Variants in PRTFDC1 observed in about 807,000 individuals in gnomAD.
PRTFDC1 encodes the protein phosphoribosyltransferase domain-containing protein 1.
Under a neutral mutation model 34.6 loss-of-function variants are expected in PRTFDC1, and 38 were observed. The ratio of observed to expected loss-of-function variants is 1.10; its 90% CI spans 0.85 to 1.44. The LOEUF (loss-of-function observed/expected upper bound fraction) is 1.44, where lower values mean the gene tolerates loss of function less well. PRTFDC1 is among the 40% of genes most tolerant of loss of function. The pLI is 0.00. For missense variants in PRTFDC1, 270 were observed against 283.0 expected (o/e 0.95, Z 0.33); for synonymous variants, 93 against 98.1 (o/e 0.95, Z 0.31).
chr10:24,902,186 GATTATC>G (rs1848461003), intron 3 of PRTFDC1, among the ~76,000 whole-genome samples: 1 of 151,996 alleles, frequency 6.6e-6, no homozygotes, highest in African/African-American at 2.4e-5. Context: ...GGAGGGAGGT[GATTATC>G]CAGGATTTTT....
chr10:24,932,332 G>A (rs1410902044), intron 3 of PRTFDC1, among the ~76,000 whole-genome samples: 2 of 151,576 alleles, frequency 1.3e-5, no homozygotes, highest in East Asian at 1.9e-4. Context: ...AGAAATAAAA[G>A]GTCTGTAAGT....
At chr10:24,872,619 A>G (rs767774986) in intron 3 of PRTFDC1, among the ~76,000 whole-genome samples, 6 of 151,674 alleles carry the variant, frequency 4.0e-5, no homozygotes, top group Non-Finnish European at 8.8e-5. Context: ...TTCTGACATG[A>G]ATGATGAGGT....
chr10:24,861,883 C>T (rs1847685877), intron 4 of PRTFDC1, among the ~76,000 whole-genome samples: 1 of 152,004 alleles, frequency 6.6e-6, no homozygotes, highest in Non-Finnish European at 1.5e-5. Context: ...AAGTGATCCT[C>T]CCTCCTCAGC....
rs1565255624 is a variant in PRTFDC1, at chr10:24,855,357, C to T, written c.514G>A (p.Val172Met). 1 of 1,614,060 alleles carries T rather than the reference C, an allele frequency of 6.2e-7. No homozygotes were observed. The highest frequency in any genetic ancestry group is 8.5e-7 in the Non-Finnish European group (1 of 1,179,970). The part of the protein sequence containing the change: ...PNMIKVASLL[V>M]KRTSRSDGFR... ...CCGTCACTTCTGGATGTTCTCTTCA[C>T]CAACAAACTACCATTAAAAAAGACA... Residue 172 changes from valine to methionine, a missense_variant, in exon 7 of 9, where the codon GTG (valine) becomes ATG (methionine). By Grantham distance (21) the Val-to-Met change is conservative. Transcript: ENST00000320152.
At position 24,898,835 on chromosome 10, in the gene PRTFDC1, C is replaced by G. The variant is rs118011820; in HGVS notation, c.340-26772G>C. Among the ~76,000 whole-genome samples the G allele has an allele frequency of 1.3e-3, 191 of 152,290 alleles. 1 individual carries two copies. The East Asian group carries it at 0.015, about 12-fold the overall frequency. On this transcript the variant is annotated intron_variant, in intron 3 of 8. Coordinates refer to ENST00000320152, the MANE Select transcript of PRTFDC1 (RefSeq NM_020200.7). ...TGTTTATGTCTCCCCCAAATTCACA[C>G]ATTAAAATCCTCACCCCCAATATGA...
chr10:24,914,873 G>T (rs1232403010), intron 3 of PRTFDC1, among the ~76,000 whole-genome samples: 1 of 152,132 alleles, frequency 6.6e-6, no homozygotes, highest in Non-Finnish European at 1.5e-5. Context: ...GTTGTCACTT[G>T]CTGGTCACCT....
intron 3 of PRTFDC1, among the ~76,000 whole-genome samples, chr10:24,884,494 G>T (rs1049784132): frequency 6.6e-6 from 1 of 152,320 alleles, no homozygotes; most frequent in African/African-American, 2.4e-5. Context: ...CAAAAGTCTG[G>T]TTTTGTCATA....
chr10:24,893,525 G>T (rs944320418), intron 3 of PRTFDC1, among the ~76,000 whole-genome samples: 1 of 152,098 alleles, frequency 6.6e-6, no homozygotes, highest in African/African-American at 2.4e-5. Context: ...GCCCAGGCTG[G>T]TCTCAAACTC....
intron 3 of PRTFDC1, among the ~76,000 whole-genome samples, chr10:24,900,899 A>G (rs1848439491): frequency 6.6e-6 from 1 of 152,228 alleles, no homozygotes; most frequent in Non-Finnish European, 1.5e-5. Context: ...TTTCCCAGGC[A>G]TGACCCTACG....
At chr10:24,917,322 G>A (rs1260511920) in intron 3 of PRTFDC1, among the ~76,000 whole-genome samples, 1 of 152,182 alleles carries the variant, frequency 6.6e-6, no homozygotes, top group Non-Finnish European at 1.5e-5. Context: ...TGCAGAAAGT[G>A]TGGTGGGGGT....
At chr10:24,895,688 G>GATAGATATAT (rs1555048844) in intron 3 of PRTFDC1, among the ~76,000 whole-genome samples, 5 of 47,382 alleles carry the variant, frequency 1.1e-4, no homozygotes, top group African/African-American at 7.1e-5. Context: ...AGCTGGGGTG[G>GATAGATATAT]ATATATATAT....
chr10:24,867,752 G>A (rs935467796), intron 4 of PRTFDC1: 1 of 151,666 alleles, frequency 6.6e-6, no homozygotes, highest in African/African-American at 2.4e-5. Flanking sequence ...TTATTAGTGG[G>A]GGATAGGTTG....
chr10:24,885,100 A>G (rs1848143953), intron 3 of PRTFDC1, among the ~76,000 whole-genome samples: 1 of 152,268 alleles, frequency 6.6e-6, no homozygotes, highest in Admixed American at 6.5e-5. Context: ...CTCCAGGTCA[A>G]GTGAAAACCT....
At chr10:24,886,376 C>T (rs528045235) in intron 3 of PRTFDC1, among the ~76,000 whole-genome samples, 77 of 152,270 alleles carry the variant, frequency 5.1e-4, no homozygotes, top group African/African-American at 1.8e-3. Context: ...TAACTTTGCC[C>T]AAGTTCCCAC....
intron 3 of PRTFDC1, among the ~76,000 whole-genome samples, chr10:24,878,788 A>G (rs1004092070): frequency 6.6e-6 from 1 of 152,188 alleles, no homozygotes; most frequent in Non-Finnish European, 1.5e-5. Flanking sequence ...CAGAAGAGGA[A>G]AAGTAAAGAA....
At chr10:24,904,285 CACACACACA>C (rs1211595455) in intron 3 of PRTFDC1, among the ~76,000 whole-genome samples, 3 of 152,020 alleles carry the variant, frequency 2.0e-5, no homozygotes, top group Admixed American at 1.3e-4. Context: ...CACACACACA[CACACACACA>C]AGGAATCTCA....
intron 1 of PRTFDC1, among the ~76,000 whole-genome samples, chr10:24,943,613 C>A (rs533200962): frequency 4.1e-4 from 62 of 149,910 alleles, no homozygotes; most frequent in African/African-American, 1.5e-3. Context: ...TGCAGTGGTG[C>A]GATCTCTGCT....
intron 1 of PRTFDC1, among the ~76,000 whole-genome samples, chr10:24,947,493 C>CA (rs1351939695): frequency 6.6e-6 from 1 of 152,140 alleles, no homozygotes; most frequent in African/African-American, 2.4e-5. Context: ...TTCAAAACAG[C>CA]AAAACATAGC....
At chr10:24,896,799 C>T (rs921541910) in intron 3 of PRTFDC1, among the ~76,000 whole-genome samples, 10 of 152,252 alleles carry the variant, frequency 6.6e-5, no homozygotes, top group Non-Finnish European at 1.3e-4. Flanking sequence ...TTGAAAAGGC[C>T]GTGTGTACCT....
Sources: allele counts gnomAD v4.1 joint callset (sites outside exome capture counted in the v4.1 genomes callset), GRCh38; gene constraint gnomAD v4.1.1; transcripts MANE v1.5; gene names NCBI Gene and HGNC (gene_info 2026-07-23, HGNC 2026-07-21).